ARHGEF18: variants seen among roughly 807,000 people sequenced by gnomAD.
ARHGEF18 encodes the protein rho guanine nucleotide exchange factor 18.
ARHGEF18 carries 93 observed loss-of-function variants against 155.7 expected under a neutral mutation model. The ratio of observed to expected loss-of-function variants is 0.60; its 90% CI spans 0.50 to 0.71. The LOEUF is 0.71. Among genes scored for constraint, ARHGEF18 ranks in the 30% least tolerant of loss-of-function variants. ARHGEF18 has a pLI of 0.00. For missense variants in ARHGEF18, 1,593 were observed against 1,816.1 expected (o/e 0.88, Z 2.23); for synonymous variants, 742 against 753.1 (o/e 0.99, Z 0.24).
chr19:7,451,146 T>C lies in ARHGEF18; in HGVS notation c.1738-3T>C. On this transcript the variant is annotated splice_region_variant and splice_polypyrimidine_tract_variant and intron_variant, in intron 15 of 28. Transcript: ENST00000668164. ...ATACAGGATCTTGCTTTCTGTTTCC[T>C]AGAAAATTGGCAACTTCTCCATCGT... 1.4e-6 allele frequency: 2 copies of C among 1,463,444 alleles called. No individual in the cohort carries two copies. Among genetic ancestry groups the C allele is most frequent in the Non-Finnish European group, 1.8e-6 (2 of 1,112,858 alleles). 90.7% of individuals were successfully genotyped at this position (1,463,444 alleles called of 1,614,324 possible).
intron 17 of ARHGEF18, 25 bp from the exon 18 acceptor site, chr19:7,456,302 G>A (rs754068244): frequency 2.5e-6 from 4 of 1,612,156 alleles, no homozygotes; most frequent in Non-Finnish European, 3.4e-6. Flanking sequence ...CTTTTAAGAT[G>A]CATCCTTCCA....
rs1971672082 is a variant in ARHGEF18, at chr19:7,395,887, G to T, written c.967+12684G>T. ...TGAGATTGAGGGGGTACATGTACAG[G>T]TTTGTTACCTGGATATATTGCGTGA... On this transcript the variant is annotated intron_variant, in intron 10 of 28. Coordinates refer to ENST00000668164, the MANE Select transcript of ARHGEF18 (RefSeq NM_001367823.1). This position sits in a 1 kb window ranked among gnomAD's most constrained non-coding sequence, Gnocchi z 5.0. 6.6e-6 allele frequency among the ~76,000 whole-genome samples: 1 copy of T among 152,156 alleles called. No homozygotes were observed. The highest frequency in any genetic ancestry group is 2.4e-5 in the African/African-American group (1 of 41,440).
intron 10 of ARHGEF18, among the ~76,000 whole-genome samples, chr19:7,387,442 G>A (rs979033098): frequency 9.2e-5 from 14 of 151,986 alleles, no homozygotes; most frequent in African/African-American, 2.7e-4. Flanking sequence ...GTGAGCCACC[G>A]CGCCCAGCGC....
At chr19:7,403,603 T>G (rs4804586) in intron 10 of ARHGEF18, among the ~76,000 whole-genome samples, 29,370 of 149,398 alleles carry the variant, frequency 0.2, 3,536 homozygotes, top group Non-Finnish European at 0.26. Context: ...GATAGAGGAA[T>G]CACAGCTCAC....
At chr19:7,393,555 G>A (rs1600278876) in intron 10 of ARHGEF18, among the ~76,000 whole-genome samples, 1 of 152,030 alleles carries the variant, frequency 6.6e-6, no homozygotes, top group African/African-American at 2.4e-5. Context: ...CTTGGTGAGA[G>A]CTGTTCTGCT....
intron 10 of ARHGEF18, among the ~76,000 whole-genome samples, chr19:7,397,403 C>G (rs1971774871): frequency 1.3e-5 from 2 of 151,940 alleles, no homozygotes; most frequent in Non-Finnish European, 2.9e-5. Flanking sequence ...GTAGCTGGGA[C>G]TACAGACACG....
At chr19:7,468,186 G>T (rs112451544) in intron 26 of ARHGEF18, among the ~76,000 whole-genome samples, 1 of 151,220 alleles carries the variant, frequency 6.6e-6, no homozygotes, top group Non-Finnish European at 1.5e-5. Context: ...GGGCAACAGA[G>T]TGAGACATGA....
At chr19:7,420,810 A>G (rs2145674556) in intron 10 of ARHGEF18, among the ~76,000 whole-genome samples, 1 of 152,282 alleles carries the variant, frequency 6.6e-6, no homozygotes, top group Admixed American at 6.5e-5. Context: ...CCTGAGTCAC[A>G]CCCGTCGTGG....
intron 10 of ARHGEF18, among the ~76,000 whole-genome samples, chr19:7,420,901 T>A (rs1240821419): frequency 6.6e-6 from 1 of 152,220 alleles, no homozygotes; most frequent in South Asian, 2.1e-4. Context: ...CTGGGATGGA[T>A]GGCGGACAGC....
Position 7,444,992 on chromosome 19 carries a change from C to A in ARHGEF18, c.1611+538C>A, listed in dbSNP as rs937980914. ...CCCTGAGGACACACAGTTCTGGGCC[C>A]CTTACAGCGATGCCTGCAGTTCATA... On this transcript the variant is annotated intron_variant, in intron 14 of 28. Coordinates refer to ENST00000668164, the MANE Select transcript of ARHGEF18 (RefSeq NM_001367823.1). This position sits in a 1 kb window ranked among gnomAD's most constrained non-coding sequence, Gnocchi z 4.7. Among the ~76,000 whole-genome samples the A allele has an allele frequency of 5.3e-5, 8 of 152,154 alleles. No homozygotes were observed. Among genetic ancestry groups the A allele is most frequent in the Non-Finnish European group, 7.3e-5 (5 of 68,030 alleles).
In ARHGEF18 at chr19:7,450,213, G is replaced by T. The variant is rs547807266; in HGVS notation, c.1738-936G>T. Among the ~76,000 whole-genome samples, 253 of 122,432 alleles carry T rather than the reference G, an allele frequency of 2.1e-3. 1 individual carries two copies. The highest frequency in any genetic ancestry group is 3.6e-3 in the Non-Finnish European group (203 of 56,456). The allele number at this position is 122,432 out of a possible 152,430, so 80.3% of individuals were successfully genotyped here. A position where few individuals can be genotyped will look rare whatever the true frequency, so the allele number is the denominator to read the frequency against. On this transcript the variant is annotated intron_variant, in intron 15 of 28. Coordinates refer to ENST00000668164, the MANE Select transcript of ARHGEF18 (RefSeq NM_001367823.1). ...TGTCCATTTCCGAGCTGTTAATGCGGTATCTCGCTTTCTGTTTCTGAGATG... is the reference window on the plus strand; with the variant it reads ...TGTCCATTTCCGAGCTGTTAATGCGTTATCTCGCTTTCTGTTTCTGAGATG...
Position 7,453,675 on chromosome 19 carries a change from G to C in ARHGEF18, c.2064G>C (p.Glu688Asp). Residue 688 changes from glutamate (E) to aspartate (D), a missense_variant, in exon 17 of 29, where the codon GAG becomes GAC. Physicochemically the swap from Glu to Asp is conservative, Grantham distance 45. Transcript: ENST00000668164. Reference sequence around the variant, plus strand: ...TGCTTCAGCGGCAGCTCCACCTGGAGGGCATGCTATGCTGGAAGACCACAT... The same window carrying C: ...TGCTTCAGCGGCAGCTCCACCTGGACGGCATGCTATGCTGGAAGACCACAT... ...EDMLQRQLHL[E>D]GMLCWKTTSG... 2 of 1,600,020 alleles carry C rather than the reference G, an allele frequency of 1.2e-6. No individual in the cohort carries two copies. The highest frequency in any genetic ancestry group is 1.7e-6 in the Non-Finnish European group (2 of 1,170,558).
rs752745041 is a variant in ARHGEF18 at position 7,463,791 on chromosome 19, G to A, written c.2636-27G>A. 1.1e-5 allele frequency: 17 copies of A among 1,584,834 alleles called. No homozygotes were observed. Among genetic ancestry groups the A allele is most frequent in the South Asian group, 6.8e-5 (6 of 88,050 alleles). ...CCAGCACACTTCCGCAGGGCGACCC[G>A]TGCCTCCTGTCCCCTTCCTTCCACA... On this transcript the variant is annotated intron_variant, in intron 21 of 28. Coordinates refer to ENST00000668164, the MANE Select transcript of ARHGEF18 (RefSeq NM_001367823.1). The surrounding 1 kb of genome is among the most constrained non-coding windows in gnomAD (Gnocchi z 5.2).
At position 7,380,965 on chromosome 19, in the gene ARHGEF18, G is replaced by A. The variant is rs895340367; in HGVS notation, c.693G>A (p.Ser231=). ...CMSASPGGAH[S]NLTWFEFLSE... ...CAGCCAGCCCCGGAGGAGCCCACTC[G>A]AACCTGACCTGGTTTGAATTCCTGT... The change falls in exon 8 of 29, where the codon TCG becomes TCA. Residue 231 remains serine (S), a synonymous_variant. Coordinates refer to ENST00000668164, the MANE Select transcript of ARHGEF18 (RefSeq NM_001367823.1). 8 of 1,232,056 alleles carry A rather than the reference G, an allele frequency of 6.5e-6. No homozygotes were observed. Among genetic ancestry groups the A allele is most frequent in the South Asian group, 4.1e-5 (1 of 24,322 alleles). 76.3% of individuals were successfully genotyped at this position (1,232,056 alleles called of 1,614,324 possible). A position where few individuals can be genotyped will look rare whatever the true frequency, so the allele number is the denominator to read the frequency against.
chr19:7,416,376 T>G (rs1469710057), intron 10 of ARHGEF18, among the ~76,000 whole-genome samples: 1 of 152,014 alleles, frequency 6.6e-6, no homozygotes, highest in African/African-American at 2.4e-5. Flanking sequence ...ATCACGCCAC[T>G]GCAGTCCAGC....
At chr19:7,353,223 ATTTTG>A (rs1165819083) in intron 1 of ARHGEF18, among the ~76,000 whole-genome samples, 1 of 151,418 alleles carries the variant, frequency 6.6e-6, no homozygotes, top group African/African-American at 2.4e-5. Context: ...CACTCTTCCA[ATTTTG>A]TCCAGCTTTT....
At chr19:7,403,779 C>G (rs1389800947) in intron 10 of ARHGEF18, among the ~76,000 whole-genome samples, 1 of 151,986 alleles carries the variant, frequency 6.6e-6, no homozygotes, top group Non-Finnish European at 1.5e-5. Context: ...TCAAGAGATC[C>G]TCCTGCTGGG....
intron 2 of ARHGEF18, among the ~76,000 whole-genome samples, chr19:7,363,780 A>G (rs1600189653): frequency 6.6e-6 from 1 of 151,424 alleles, no homozygotes; most frequent in African/African-American, 2.4e-5. Flanking sequence ...GAGGATGGAT[A>G]AATGAAAGAA....
At chr19:7,358,663 T>C (rs933580919) in intron 1 of ARHGEF18, among the ~76,000 whole-genome samples, 1 of 152,176 alleles carries the variant, frequency 6.6e-6, no homozygotes, top group Non-Finnish European at 1.5e-5. Flanking sequence ...AGCCTGGTGA[T>C]TGGGATCTCT....
Sources: gnomAD v4.1 joint callset for allele counts (sites outside exome capture counted in the v4.1 genomes callset) on GRCh38, gnomAD v4.1.1 for gene constraint, Gnocchi (gnomAD v3.1) non-coding constraint, MANE v1.5 for transcripts, NCBI Gene and HGNC (gene_info 2026-07-23, HGNC 2026-07-21) for gene names.